Variants in NFATC4 observed in about 807,000 individuals in gnomAD.
NFATC4 encodes the protein nuclear factor of activated T cells 4, also known as nuclear factor of activated T-cells, cytoplasmic 4.
NFATC4 carries 25 observed loss-of-function variants against 73.4 expected under a neutral mutation model. The ratio of observed to expected loss-of-function variants is 0.34; its 90% confidence interval spans 0.25 to 0.48. NFATC4 has a LOEUF of 0.48. NFATC4 is among the 20% of genes least tolerant of loss of function. NFATC4 has a pLI of 0.99. For missense variants in NFATC4, 1,130 were observed against 1,203.7 expected, an observed-to-expected ratio of 0.94 and a Z score of 0.91; for synonymous variants, 523 against 510.3, an observed-to-expected ratio of 1.02 and a Z score of -0.34.
intron 3 of NFATC4, 108 bp downstream of exon 3, chr14:24,372,711 C>T (rs1007826721): frequency 1.3e-5 from 18 of 1,415,818 alleles, no homozygotes; most frequent in Non-Finnish European, 1.6e-5. Flanking sequence ...AGCTCTGACC[C>T]TGCAGGCAGC....
upstream of NFATC4, chr14:24,367,007 G>C (rs773257727): frequency 6.3e-5 from 101 of 1,609,374 alleles, no homozygotes; most frequent in Admixed American, 1.4e-3. Context: ...TTAGAGACTG[G>C]AGACGCGGCC....
At position 24,373,798 on chromosome 14, in the gene NFATC4, C is replaced by T. The variant is rs1425517328; in HGVS notation, c.1663C>T (p.Arg555Trp). Residue 555 changes from arginine to tryptophan, a missense_variant, in exon 5 of 10, where the codon CGG (arginine) becomes TGG (tryptophan). Arg to Trp is a moderately radical substitution (Grantham distance 101, BLOSUM62 -3). Transcript: ENST00000250373. This position sits in a 1 kb window ranked among gnomAD's most constrained non-coding sequence, Gnocchi z 4.7. ...AAACACACGTGTACGGCTGGTGTTC[C>T]GGGTACACGTGCCCCAGGGCGGCGG... ...RKNTRVRLVF[R>W]VHVPQGGGKV... 4 of 1,613,992 alleles carry T rather than the reference C, an allele frequency of 2.5e-6. No individual in the cohort carries two copies. The highest frequency in any genetic ancestry group is 1.3e-5 in the African/African-American group (1 of 74,926).
intron 2 of NFATC4, 125 bp downstream of exon 2, chr14:24,370,719 A>C: frequency 7.7e-7 from 1 of 1,305,588 alleles, no homozygotes; most frequent in African/African-American, 1.5e-5. Context: ...ATCTGCAACC[A>C]GCTCAGCAGC....
rs753131154 is a variant in NFATC4 at position 24,369,609 on chromosome 14, A to G, written c.211A>G (p.Met71Val). 19 of 1,613,284 alleles carry G rather than the reference A, an allele frequency of 1.2e-5. 1 individual carries two copies. In the Admixed American group the frequency reaches 3.0e-4, roughly 25 times the overall value. ...CCGACCTCCACCCCCTCGGCCTGGCATGCATTCGCCACCGCCGCGACCAGC... is the reference window on the plus strand; with the variant it reads ...CCGACCTCCACCCCCTCGGCCTGGCGTGCATTCGCCACCGCCGCGACCAGC... ...IPRPPPPRPG[M>V]HSPPPRPAPS... is the part of the protein sequence containing the mutation. The change falls in exon 2 of 10, where the codon ATG becomes GTG. Residue 71 changes from methionine (M) to valine (V), a missense_variant. Met to Val is a conservative substitution (Grantham distance 21, BLOSUM62 1). Transcript: ENST00000250373.
At chr14:24,367,691 G>T, upstream of NFATC4, 1 of 1,531,534 alleles carries the variant, frequency 6.5e-7, no homozygotes, top group Non-Finnish European at 8.7e-7. Flanking sequence ...CCTCTTCCGA[G>T]CAACTCGGTG....
Position 24,373,223 on chromosome 14 carries a change from C to T in NFATC4, c.1412C>T (p.Ala471Val). The change falls in exon 4 of 10, where the codon GCA becomes GTA. Residue 471 changes from alanine to valine, a missense_variant. Ala to Val is a moderately conservative substitution (Grantham distance 64, BLOSUM62 0). Transcript: ENST00000250373. This position sits in a 1 kb window ranked among gnomAD's most constrained non-coding sequence, Gnocchi z 4.7. ...PLTLQMFIGT[A>V]DERNLRPHAF... Reference sequence around the variant, plus strand: ...ACCCTACAGATGTTCATCGGCACTGCAGATGAAAGGAACCTGCGGCCTCAT... The same window carrying T: ...ACCCTACAGATGTTCATCGGCACTGTAGATGAAAGGAACCTGCGGCCTCAT... 6.2e-7 allele frequency: 1 copy of T among 1,614,210 alleles called. No individual in the cohort carries two copies.
At chr14:24,368,532 G>C (rs922993986) in intron 1 of NFATC4, 92 bp downstream of exon 1, 5 of 1,201,348 alleles carry the variant, frequency 4.2e-6, no homozygotes, top group Admixed American at 4.3e-5. Context: ...AGCCTAGGGT[G>C]GGGGGTGAGG....
intron 1 of NFATC4, chr14:24,369,138 C>T (rs1184931917): frequency 2.1e-6 from 3 of 1,449,182 alleles, no homozygotes; most frequent in East Asian, 2.5e-5. Context: ...TTGGGAACCG[C>T]TGCTAATTGG....
chr14:24,376,433 C>T lies in NFATC4; in HGVS notation c.2196C>T (p.Cys732=), dbSNP rs141569636. ...CCTATCCCCATGAAGACCCTGCTTG[C>T]GAAACTCCTTACCTATCAGAAGGCT... The part of the protein sequence containing the change: ...YPSYPHEDPA[C]ETPYLSEGFG... Residue 732 remains cysteine (C), a synonymous_variant, in exon 9 of 10, where the codon TGC becomes TGT. Coordinates refer to ENST00000250373, the MANE Select transcript of NFATC4 (RefSeq NM_004554.5). This position sits in a 1 kb window ranked among gnomAD's most constrained non-coding sequence, Gnocchi z 5.0. The T allele has an allele frequency of 1.3e-4, 217 of 1,613,776 alleles. No individual in the cohort carries two copies. Among genetic ancestry groups the T allele is most frequent in the Middle Eastern group, 6.6e-4 (4 of 6,054 alleles).
intron 2 of NFATC4, 56 bp downstream of exon 2, chr14:24,370,650 G>A: frequency 6.4e-7 from 1 of 1,552,556 alleles, no homozygotes; most frequent in Non-Finnish European, 8.7e-7. Flanking sequence ...AGGGGAGCAG[G>A]AGGGTCAAGG....
upstream of NFATC4, chr14:24,367,134 C>A: frequency 6.2e-7 from 1 of 1,613,948 alleles, no homozygotes; most frequent in Non-Finnish European, 8.5e-7. Flanking sequence ...CCATCTAACT[C>A]CCTCTCACAC....
rs1405765959 is a variant in NFATC4, at chr14:24,370,471, C to T, written c.1073C>T (p.Ala358Val). ...TGCAATGGGAAGCTGCCCTTGGGAG[C>T]AGAGGAGTCTGTGGCTCCTCCAGGA... is the stretch of plus-strand genomic sequence containing the variant. ...ASCNGKLPLGAEESVAPPGGS... is the reference protein window; with the variant it reads ...ASCNGKLPLGVEESVAPPGGS... The change falls in exon 2 of 10, where the codon GCA becomes GTA. Residue 358 changes from alanine (A) to valine (V), a missense_variant. Ala to Val is a moderately conservative substitution (Grantham distance 64). This residue lies in a region of NFATC4 where 585 missense variants were observed against 574.3 expected (regional missense o/e 1.02). Transcript: ENST00000250373. 1.3e-5 allele frequency: 21 copies of T among 1,614,064 alleles called. No homozygotes were observed. The highest frequency in any genetic ancestry group is 1.8e-5 in the Non-Finnish European group (21 of 1,180,030).
In NFATC4 at chr14:24,373,309, G is replaced by A. The variant is rs766194904; in HGVS notation, c.1498G>A (p.Val500Ile). Residue 500 changes from valine (V) to isoleucine (I), a missense_variant, in exon 4 of 10, where the codon GTA (valine) becomes ATA (isoleucine). Val to Ile is a conservative substitution (Grantham distance 29, BLOSUM62 3). Transcript: ENST00000250373. The surrounding 1 kb of genome is among the most constrained non-coding windows in gnomAD (Gnocchi z 4.7). ...KMVATASYEAVVSGTKVLEMT... is the reference protein window; with the variant it reads ...KMVATASYEAIVSGTKVLEMT... ...GGTGGCCACGGCCAGCTATGAAGCC[G>A]TAGTCAGTGGCACCAAGGTGTTGGA... The A allele has an allele frequency of 1.2e-5, 19 of 1,614,124 alleles. No individual in the cohort carries two copies. Among genetic ancestry groups the A allele is most frequent in the Admixed American group, 1.0e-4 (6 of 60,014 alleles).
chr14:24,377,071 A>G lies in NFATC4; in HGVS notation c.2641+193A>G, dbSNP rs2042644248. ...CAATTAACTGAATTCTGAAGAGTGC[A>G]TGGGGTAACTGTCTCAGCCTTTCTC... On this transcript the variant is annotated intron_variant, in intron 9 of 9. Coordinates refer to ENST00000250373, the MANE Select transcript of NFATC4 (RefSeq NM_004554.5). The surrounding 1 kb of genome is among the most constrained non-coding windows in gnomAD (Gnocchi z 4.2). The G allele has an allele frequency of 7.3e-7, 1 of 1,362,626 alleles. No homozygotes were observed. The highest frequency in any genetic ancestry group is 9.4e-7 in the Non-Finnish European group (1 of 1,064,170). 84.4% of individuals were successfully genotyped at this position (1,362,626 alleles called of 1,614,324 possible). A position where few individuals can be genotyped will look rare whatever the true frequency, so the allele number is the denominator to read the frequency against.
Position 24,376,208 on chromosome 14 carries a change from T to C in NFATC4, c.2057-86T>C, listed in dbSNP as rs2139310058. 6.3e-7 allele frequency: 1 copy of C among 1,578,280 alleles called. No homozygotes were observed. The highest frequency in any genetic ancestry group is 8.6e-7 in the Non-Finnish European group (1 of 1,160,572). ...GAGGGGCCAAGGGGTGAATGGAACC[T>C]GGGAGGAGCAGGCAGCTGGAAGGTG... On this transcript the variant is annotated intron_variant, in intron 8 of 9. Coordinates refer to ENST00000250373, the MANE Select transcript of NFATC4 (RefSeq NM_004554.5). The surrounding 1 kb of genome is among the most constrained non-coding windows in gnomAD (Gnocchi z 5.0).
At chr14:24,368,590 T>A in intron 1 of NFATC4, 150 bp downstream of exon 1, 1 of 501,958 alleles carries the variant, frequency 2.0e-6, no homozygotes, top group Non-Finnish European at 2.5e-6. Flanking sequence ...CCTGCGGAAG[T>A]GAGGCTGGGG....
upstream of NFATC4, chr14:24,367,717 G>T: frequency 6.6e-7 from 1 of 1,511,360 alleles, no homozygotes; most frequent in Non-Finnish European, 8.8e-7. Context: ...CTGCCCCCAG[G>T]ACCCTCCTGG....
chr14:24,374,400 G>A lies in NFATC4; in HGVS notation c.1807G>A (p.Glu603Lys). ...TGCCTGCTCTGTGAGAGGAGGCGAGGAACTGGTACTGACTGGCTCCAACTT... is the reference window on the plus strand; with the variant it reads ...TGCCTGCTCTGTGAGAGGAGGCGAGAAACTGGTACTGACTGGCTCCAACTT... ...PSACSVRGGE[E>K]LVLTGSNFLP... The change falls in exon 6 of 10, where the codon GAA becomes AAA. Residue 603 changes from glutamate to lysine, a missense_variant. By Grantham distance (56) the Glu-to-Lys change is moderately conservative. This residue lies in a region of NFATC4 where 390 missense variants were observed against 408.1 expected (regional missense o/e 0.96). Transcript: ENST00000250373. The A allele has an allele frequency of 6.2e-7, 1 of 1,614,092 alleles. No homozygotes were observed. Among genetic ancestry groups the A allele is most frequent in the Non-Finnish European group, 8.5e-7 (1 of 1,179,998 alleles).
chr14:24,379,501 T>C lies in NFATC4; in HGVS notation c.*1796T>C, dbSNP rs1402472493. 6.6e-6 allele frequency: 1 copy of C among 152,244 alleles called. No individual in the cohort carries two copies. Among genetic ancestry groups the C allele is most frequent in the Admixed American group, 6.5e-5 (1 of 15,280 alleles). 9.4% of individuals were successfully genotyped at this position (152,244 alleles called of 1,614,324 possible). A position where few individuals can be genotyped will look rare whatever the true frequency, so the allele number is the denominator to read the frequency against. On this transcript the variant is annotated 3_prime_UTR_variant, in exon 10 of 10. Transcript: ENST00000250373. ...CCAGGACACTGCCATTCATGCATTG[T>C]CAGATATTTATTAAACAGCAGCAAA...
Sources: gnomAD v4.1 joint callset for allele counts on GRCh38, gnomAD v4.1.1 for gene constraint, gnomAD v4.1.1 regional missense constraint, Gnocchi (gnomAD v3.1) non-coding constraint, MANE v1.5 for transcripts, NCBI Gene and HGNC (gene_info 2026-07-23, HGNC 2026-07-21) for gene names.